Variants in TPST2 observed in about 807,000 individuals in gnomAD.
TPST2 encodes the protein tyrosylprotein sulfotransferase 2, also known as protein-tyrosine sulfotransferase 2.
Under a neutral mutation model 27.8 loss-of-function variants are expected in TPST2, and 16 were observed. That is an observed-to-expected ratio of 0.58 (90% CI 0.39 to 0.88). The LOEUF (loss-of-function observed/expected upper bound fraction) is 0.88. TPST2 is among the 40% of genes least tolerant of loss of function. TPST2 has a pLI of 0.00. For synonymous variants in TPST2, 229 were observed against 231.7 expected (o/e 0.99, Z 0.10); for missense variants, 464 against 543.1 (o/e 0.85, Z 1.45).
chr22:26,550,113 C>G (rs1484266781), intron 1 of TPST2, among the ~76,000 whole-genome samples: 1 of 151,696 alleles, frequency 6.6e-6, no homozygotes, highest in Non-Finnish European at 1.5e-5. Flanking sequence ...TTTCCATTGA[C>G]CCTGAAATGT....
Position 26,560,478 on chromosome 22 carries a change from C to T in TPST2, c.-160-15803G>A, listed in dbSNP as rs189609839. On this transcript the variant is annotated intron_variant, in intron 1 of 6. Transcript: ENST00000338754. ...AGACAGCGCCGGGGCAAGTGAGAGC[C>T]GGACGGGCACTGGGCGACTGTGCCT... is the stretch of plus-strand genomic sequence containing the variant. 1,220 of 752,860 alleles carry T rather than the reference C, an allele frequency of 1.6e-3. 3 individuals are homozygous for T. Among genetic ancestry groups the T allele is most frequent in the Admixed American group, 2.2e-3 (110 of 49,662 alleles). 46.6% of individuals were successfully genotyped at this position (752,860 alleles called of 1,614,324 possible).
At chr22:26,560,415 A>C (rs1927023509) in intron 1 of TPST2, 1 of 646,636 alleles carries the variant, frequency 1.5e-6, no homozygotes, top group African/African-American at 1.8e-5. Context: ...TAAGGATTAA[A>C]TAAGATATTG....
At chr22:26,570,049 A>C (rs62224867) in intron 1 of TPST2, among the ~76,000 whole-genome samples, 36,493 of 95,254 alleles carry the variant, frequency 0.38, 6,278 homozygotes, top group East Asian at 0.51. Context: ...GAAAGACAGA[A>C]AGAAAGAAAG....
intron 5 of TPST2, among the ~76,000 whole-genome samples, chr22:26,528,690 A>G (rs988785523): frequency 1.3e-5 from 2 of 152,160 alleles, no homozygotes; most frequent in Admixed American, 6.5e-5. Context: ...CTGAAGGAAT[A>G]AGGGTATCTT....
intron 3 of TPST2, among the ~76,000 whole-genome samples, chr22:26,537,864 A>G (rs563900301): frequency 2.2e-4 from 34 of 152,220 alleles, no homozygotes; most frequent in African/African-American, 7.7e-4. Context: ...CAAATACGCT[A>G]GTTTTTTTTC....
chr22:26,554,240 T>G (rs1462259737), intron 1 of TPST2, among the ~76,000 whole-genome samples: 1 of 152,172 alleles, frequency 6.6e-6, no homozygotes, highest in African/African-American at 2.4e-5. Context: ...GGAAGCTATG[T>G]GCCCCAGGTC....
At chr22:26,537,850 A>C (rs1925561412) in intron 3 of TPST2, among the ~76,000 whole-genome samples, 1 of 152,164 alleles carries the variant, frequency 6.6e-6, no homozygotes, top group South Asian at 2.1e-4. Flanking sequence ...CTGCAGCTGT[A>C]AAACAAATAC....
intron 1 of TPST2, among the ~76,000 whole-genome samples, chr22:26,556,506 C>T (rs186295346): frequency 1.8e-3 from 279 of 152,262 alleles, no homozygotes; most frequent in Middle Eastern, 3.4e-3. Context: ...CGTCATTGCA[C>T]CCTAGCCTGG....
intron 1 of TPST2, among the ~76,000 whole-genome samples, chr22:26,544,990 G>C (rs540011739): frequency 6.6e-6 from 1 of 152,296 alleles, no homozygotes; most frequent in East Asian, 1.9e-4. Context: ...TCTTGGCCTA[G>C]GGACCTTGGA....
intron 1 of TPST2, among the ~76,000 whole-genome samples, chr22:26,565,893 A>T (rs1231974827): frequency 6.6e-6 from 1 of 152,192 alleles, no homozygotes; most frequent in Non-Finnish European, 1.5e-5. Context: ...TTCTCAGTAG[A>T]AATGGCTAAT....
At position 26,530,557 on chromosome 22, in the gene TPST2, G is replaced by A. The variant is rs867720591; in HGVS notation, c.1092+2138C>T. Among the ~76,000 whole-genome samples, 5 of 151,050 alleles carry A rather than the reference G, an allele frequency of 3.3e-5. No homozygotes were observed. In the Middle Eastern group the frequency reaches 0.01, roughly 315 times the overall value. ...AAAAAATGGAATCATGCTTGAACCCGGGAGGTGGAGGTTGCAGTGGGCTGA... is the reference window on the plus strand; with the variant it reads ...AAAAAATGGAATCATGCTTGAACCCAGGAGGTGGAGGTTGCAGTGGGCTGA... On this transcript the variant is annotated intron_variant, in intron 5 of 6. Transcript: ENST00000338754.
chr22:26,586,285 A>T (rs912018707), intron 1 of TPST2, among the ~76,000 whole-genome samples: 2 of 151,784 alleles, frequency 1.3e-5, no homozygotes, highest in Non-Finnish European at 2.9e-5. Context: ...ATACCCTACA[A>T]TCTCGCCCTG....
Position 26,536,420 on chromosome 22 carries a change from G to GTGCGGGA in TPST2, c.908_909insTCCCGCA (p.His304ProfsTer25). On this transcript the variant is annotated frameshift_variant, in exon 4 of 7. Coordinates refer to ENST00000338754, the MANE Select transcript of TPST2 (RefSeq NM_003595.5). LOFTEE classifies it high-confidence loss of function. ...CCCGCACCACATCCCCAGGGATGTG[G>GTGCGGGA]CCAGTCCACTTGGAGAGCGCTTCCA... is the stretch of plus-strand genomic sequence containing the variant. The GTGCGGGA allele has an allele frequency of 6.3e-7, 1 of 1,580,966 alleles. No individual in the cohort carries two copies. Among genetic ancestry groups the GTGCGGGA allele is most frequent in the Non-Finnish European group, 8.6e-7 (1 of 1,161,580 alleles).
At chr22:26,575,626 T>C (rs892867385) in intron 1 of TPST2, among the ~76,000 whole-genome samples, 13 of 152,224 alleles carry the variant, frequency 8.5e-5, no homozygotes, top group Admixed American at 6.5e-4. Flanking sequence ...GAGGTGCTCA[T>C]ATTTGCTGCA....
chr22:26,541,013 G>A lies in TPST2; in HGVS notation c.618C>T (p.Ser206=), dbSNP rs1198702878. 6.2e-7 allele frequency: 1 copy of A among 1,614,164 alleles called. No homozygotes were observed. Among genetic ancestry groups the A allele is most frequent in the East Asian group, 2.2e-5 (1 of 44,874 alleles). The part of the protein sequence containing the change: ...KVTIAGFDLS[S]YRDCLTKWNK... The stretch of plus-strand genomic sequence containing the variant: ...TCCACTTGGTGAGGCAGTCACGGTA[G>A]CTGCTGAGGTCAAAGCCCGCAATGG... Residue 206 remains serine, a synonymous_variant, in exon 3 of 7, where the codon AGC becomes AGT. Transcript: ENST00000338754. This position sits in a 1 kb window ranked among gnomAD's most constrained non-coding sequence, Gnocchi z 5.9.
chr22:26,554,086 G>A (rs1926644616), intron 1 of TPST2, among the ~76,000 whole-genome samples: 4 of 152,194 alleles, frequency 2.6e-5, no homozygotes, highest in Non-Finnish European at 4.4e-5. Flanking sequence ...GGGAAACTGA[G>A]GCTTAGAGAG....
At chr22:26,579,312 G>A (rs79664673) in intron 1 of TPST2, among the ~76,000 whole-genome samples, 1,772 of 152,328 alleles carry the variant, frequency 0.012, 36 homozygotes, top group African/African-American at 0.04. Flanking sequence ...GCAGTGCTCA[G>A]AGGAAGGGTA....
At chr22:26,577,556 A>C (rs186293009) in intron 1 of TPST2, among the ~76,000 whole-genome samples, 56 of 150,600 alleles carry the variant, frequency 3.7e-4, no homozygotes, top group African/African-American at 1.3e-3. Flanking sequence ...TCACCGTGTT[A>C]GCCAGGATGG....
chr22:26,530,615 C>T (rs1340416986), intron 5 of TPST2, among the ~76,000 whole-genome samples: 1 of 94,812 alleles, frequency 1.1e-5, no homozygotes, highest in Non-Finnish European at 2.1e-5. Flanking sequence ...CTGGGTGACA[C>T]AGTGAAACCC....
Sources: allele counts gnomAD v4.1 joint callset (sites outside exome capture counted in the v4.1 genomes callset), GRCh38; gene constraint gnomAD v4.1.1; non-coding constraint Gnocchi (gnomAD v3.1); transcripts MANE v1.5; gene names NCBI Gene and HGNC (gene_info 2026-07-23, HGNC 2026-07-21).